The following HIVEP1 variants were observed in gnomAD, a reference collection of about 807,000 sequenced individuals.
HIVEP1 encodes the protein HIVEP zinc finger 1.
Under a neutral mutation model 180.0 loss-of-function variants are expected in HIVEP1, and 36 were observed. That is an observed-to-expected ratio of 0.20 (90% CI 0.15 to 0.26). HIVEP1 has a LOEUF of 0.26. HIVEP1 is among the 10% of genes least tolerant of loss of function. HIVEP1 has a pLI of 1.00. For synonymous variants in HIVEP1, 1,239 were observed against 1,239.0 expected (o/e 1.00, Z 0.00); for missense variants, 3,143 against 3,268.7 (o/e 0.96, Z 0.94).
At chr6:12,078,379 A>G (rs1253770825) in intron 2 of HIVEP1, among the ~76,000 whole-genome samples, 5 of 152,068 alleles carry the variant, frequency 3.3e-5, no homozygotes, top group African/African-American at 1.2e-4. Context: ...TTTTCTCAGA[A>G]TGTGTCTTGT....
intron 7 of HIVEP1, among the ~76,000 whole-genome samples, chr6:12,142,628 A>G (rs1210218594): frequency 2.0e-5 from 3 of 152,202 alleles, no homozygotes; most frequent in Admixed American, 2.0e-4. Context: ...CAAAATTGAT[A>G]GACTGCTAGC....
intron 4 of HIVEP1, among the ~76,000 whole-genome samples, chr6:12,128,274 G>T (rs1442079381): frequency 6.6e-6 from 1 of 152,192 alleles, no homozygotes; most frequent in Non-Finnish European, 1.5e-5. Flanking sequence ...AGGAAAGGTT[G>T]CATCAGTAGC....
At chr6:12,199,716 A>C in the HIVEP1 span, among the ~76,000 whole-genome samples, 6 of 152,194 alleles carry the variant, frequency 3.9e-5, no homozygotes, top group African/African-American at 1.4e-4. Flanking sequence ...TGAGTGTACT[A>C]TGTCAGGTAT....
rs1757797018 is a variant in HIVEP1, at chr6:12,123,155, C to T, written c.3360C>T (p.Ala1120=). Residue 1120 remains alanine, a synonymous_variant, in exon 4 of 9, where the codon GCC becomes GCT. Transcript: ENST00000379388. ...TIMEQQISSA[A]QDKIELQRHG... ...TGGAACAACAGATAAGTTCAGCAGC[C>T]CAGGACAAGATAGAACTGCAGAGAC... 1.2e-6 allele frequency: 2 copies of T among 1,614,166 alleles called. No homozygotes were observed. Among genetic ancestry groups the T allele is most frequent in the Non-Finnish European group, 1.7e-6 (2 of 1,180,028 alleles).
At chr6:12,046,551 T>C (rs2113700247) in intron 2 of HIVEP1, among the ~76,000 whole-genome samples, 2 of 151,978 alleles carry the variant, frequency 1.3e-5, no homozygotes, top group Non-Finnish European at 2.9e-5. Context: ...GAGGCTGAGG[T>C]GGGTGGATCA....
the HIVEP1 span, among the ~76,000 whole-genome samples, chr6:12,204,076 G>GA: frequency 0.13 from 19,154 of 143,796 alleles, 1,380 homozygotes; most frequent in East Asian, 0.25. Flanking sequence ...AACTCCATCT[G>GA]AAAAAAAAAA....
intron 6 of HIVEP1, among the ~76,000 whole-genome samples, chr6:12,132,689 T>C (rs1397461275): frequency 2.6e-5 from 4 of 152,216 alleles, no homozygotes; most frequent in Non-Finnish European, 5.9e-5. Flanking sequence ...ATCTCTAATA[T>C]GCTGTATATC....
downstream of HIVEP1, among the ~76,000 whole-genome samples, chr6:12,167,270 A>G (rs1416712583): frequency 6.6e-6 from 1 of 151,960 alleles, no homozygotes; most frequent in East Asian, 1.9e-4. Flanking sequence ...GACTGTCAAG[A>G]TAGTTAATAG....
At chr6:12,086,368 T>C (rs1009635251) in intron 2 of HIVEP1, among the ~76,000 whole-genome samples, 1 of 152,178 alleles carries the variant, frequency 6.6e-6, no homozygotes. Flanking sequence ...TGACGTGGTA[T>C]GAGTATTCTT....
rs571000618 is a variant in HIVEP1 at position 12,063,333 on chromosome 6, G to A, written c.41-25851G>A. On this transcript the variant is annotated intron_variant, in intron 2 of 8. Coordinates refer to ENST00000379388, the MANE Select transcript of HIVEP1 (RefSeq NM_002114.4). The surrounding 1 kb of genome is among the most constrained non-coding windows in gnomAD (Gnocchi z 4.2). ...GGCCTGTACCCACTAGATGCCAATT[G>A]CAGTCTTCCTCCCTCAGTTGTAAAC... is the stretch of plus-strand genomic sequence containing the variant. Among the ~76,000 whole-genome samples, 1 of 152,248 alleles carries A rather than the reference G, an allele frequency of 6.6e-6. No homozygotes were observed. Among genetic ancestry groups the A allele is most frequent in the Admixed American group, 6.5e-5 (1 of 15,290 alleles).
chr6:12,067,020 A>G (rs146943695), intron 2 of HIVEP1, among the ~76,000 whole-genome samples: 1 of 152,252 alleles, frequency 6.6e-6, no homozygotes, highest in African/African-American at 2.4e-5. Flanking sequence ...TTTTCCTGAA[A>G]TATAATTTAG....
intron 3 of HIVEP1, among the ~76,000 whole-genome samples, chr6:12,119,384 G>A (rs1775422177): frequency 1.3e-5 from 2 of 152,178 alleles, no homozygotes; most frequent in Non-Finnish European, 2.9e-5. Context: ...TCCCTCATCT[G>A]GCAAGAAGTC....
intron 3 of HIVEP1, among the ~76,000 whole-genome samples, chr6:12,097,892 T>C (rs1345549711): frequency 1.3e-5 from 2 of 152,184 alleles, no homozygotes; most frequent in African/African-American, 4.8e-5. Flanking sequence ...TTTTGAAATA[T>C]GAAAGCAAAA....
At chr6:12,055,691 T>C (rs1770823727) in intron 2 of HIVEP1, among the ~76,000 whole-genome samples, 2 of 152,198 alleles carry the variant, frequency 1.3e-5, no homozygotes, top group Admixed American at 1.3e-4. Flanking sequence ...TTTTCTAAGC[T>C]AGCAAATTTC....
At chr6:12,199,948 G>A in the HIVEP1 span, among the ~76,000 whole-genome samples, 1 of 152,200 alleles carries the variant, frequency 6.6e-6, no homozygotes, top group Admixed American at 6.5e-5. Context: ...TCAGATAGTA[G>A]AGAAGATGGA....
At chr6:12,140,112 G>A (rs1012318337) in intron 7 of HIVEP1, among the ~76,000 whole-genome samples, 13 of 152,154 alleles carry the variant, frequency 8.5e-5, no homozygotes, top group African/African-American at 1.4e-4. Flanking sequence ...TCATACAGGC[G>A]GGTACCCCTC....
the HIVEP1 span, among the ~76,000 whole-genome samples, chr6:12,174,991 A>G: frequency 3.9e-5 from 6 of 152,364 alleles, no homozygotes; most frequent in East Asian, 9.6e-4. Context: ...GTGAATGAAC[A>G]TAAGTTCAAT....
downstream of HIVEP1, among the ~76,000 whole-genome samples, chr6:12,167,982 C>CATGTATAT (rs1165456063): frequency 2.9e-5 from 3 of 104,766 alleles, no homozygotes; most frequent in Admixed American, 1.1e-4. Context: ...TATACATGTA[C>CATGTATAT]ATGTATATAT....
chr6:12,017,971 G>A (rs1767931878), intron 2 of HIVEP1, among the ~76,000 whole-genome samples: 1 of 152,330 alleles, frequency 6.6e-6, no homozygotes, highest in Non-Finnish European at 1.5e-5. Flanking sequence ...TAGGAACAGG[G>A]GGCAGCGCTC....
Sources: allele counts gnomAD v4.1 joint callset (sites outside exome capture counted in the v4.1 genomes callset), GRCh38; gene constraint gnomAD v4.1.1; non-coding constraint Gnocchi (gnomAD v3.1); transcripts MANE v1.5; gene names NCBI Gene and HGNC (gene_info 2026-07-23, HGNC 2026-07-21).